The following MTHFD1L variants were observed in gnomAD, a reference collection of about 807,000 sequenced individuals.
The protein encoded by MTHFD1L is methylenetetrahydrofolate dehydrogenase (NADP+ dependent) 1 like.
In MTHFD1L, 81 loss-of-function variants were observed where a neutral mutation model predicts 119.5. The observed-to-expected ratio is 0.68, with a 90% CI of 0.57 to 0.82. The LOEUF is 0.82. MTHFD1L is among the 40% of genes least tolerant of loss of function. The pLI is 0.00. For synonymous variants in MTHFD1L, 430 were observed against 475.2 expected, an observed-to-expected ratio of 0.90 and a Z score of 1.24; for missense variants, 1,125 against 1,253.4, an observed-to-expected ratio of 0.90 and a Z score of 1.55.
chr6:150,871,411 T>C (rs1209408920), intron 1 of MTHFD1L, among the ~76,000 whole-genome samples: 1 of 150,072 alleles, frequency 6.7e-6, no homozygotes, highest in Non-Finnish European at 1.5e-5. Flanking sequence ...TTACCCACAG[T>C]AGTAGGACTT....
intron 1 of MTHFD1L, chr6:150,866,312 A>T (rs921469353): frequency 5.5e-6 from 8 of 1,466,114 alleles, no homozygotes; most frequent in South Asian, 1.3e-5. Flanking sequence ...GCCTAGCGGC[A>T]TGGACCGCAC....
At position 151,079,195 on chromosome 6, in the gene MTHFD1L, A is replaced by G. The variant is rs534736467; in HGVS notation, c.2848-13272A>G. Among the ~76,000 whole-genome samples, 116 of 152,214 alleles carry G rather than the reference A, an allele frequency of 7.6e-4. 2 individuals are homozygous for G. Among genetic ancestry groups the G allele is most frequent in the Middle Eastern group, 3.4e-3 (1 of 294 alleles). ...GGTTACATAGCTCTGATAAATCCTG[A>G]TCTAACCAAAAGTCATGACAGCTCG... On this transcript the variant is annotated intron_variant, in intron 26 of 27. Transcript: ENST00000367321.
At chr6:151,031,578 T>A (rs956349185) in intron 24 of MTHFD1L, among the ~76,000 whole-genome samples, 2 of 152,224 alleles carry the variant, frequency 1.3e-5, no homozygotes, top group South Asian at 2.1e-4. Flanking sequence ...CAAAGATTGG[T>A]CCTTGAAGAT....
intron 9 of MTHFD1L, among the ~76,000 whole-genome samples, chr6:150,921,867 A>C (rs899871621): frequency 6.6e-6 from 1 of 152,232 alleles, no homozygotes; most frequent in Admixed American, 6.5e-5. Flanking sequence ...AAGTATGAAG[A>C]GCTAATAGTC....
At chr6:150,944,616 C>T in intron 14 of MTHFD1L, 23 bp downstream of exon 14, 3 of 1,557,442 alleles carry the variant, frequency 1.9e-6, no homozygotes, top group Non-Finnish European at 2.7e-6. Flanking sequence ...CCTTGCTAGC[C>T]ATTTTGGGTA....
intron 14 of MTHFD1L, 31 bp downstream of exon 14, chr6:150,944,624 G>A (rs1793648589): frequency 6.6e-7 from 1 of 1,520,944 alleles, no homozygotes; most frequent in Non-Finnish European, 9.1e-7. Flanking sequence ...GCCATTTTGG[G>A]TATTGTATCC....
intron 24 of MTHFD1L, among the ~76,000 whole-genome samples, chr6:151,032,491 A>G (rs1387873093): frequency 6.6e-6 from 1 of 151,704 alleles, no homozygotes; most frequent in Admixed American, 6.6e-5. Context: ...TGATCCAAAC[A>G]CCTCCCACCT....
intron 26 of MTHFD1L, among the ~76,000 whole-genome samples, chr6:151,043,603 A>G (rs1290470190): frequency 6.6e-6 from 1 of 152,192 alleles, no homozygotes; most frequent in Non-Finnish European, 1.5e-5. Flanking sequence ...GTTGGAATTC[A>G]TAGTAGAATC....
chr6:150,905,766 A>G lies in MTHFD1L; in HGVS notation c.892+5A>G. ...GCTCCCATGACTTCCTGTCAGGTAA[A>G]TGTCTTCACATTGGTGTTGAGCCAC... On this transcript the variant is annotated splice_donor_5th_base_variant and intron_variant, in intron 8 of 27. Coordinates refer to ENST00000367321, the MANE Select transcript of MTHFD1L (RefSeq NM_015440.5). 6.3e-7 allele frequency: 1 copy of G among 1,596,468 alleles called. No homozygotes were observed. Among genetic ancestry groups the G allele is most frequent in the Non-Finnish European group, 8.6e-7 (1 of 1,163,888 alleles).
At chr6:151,033,180 C>T (rs981974051) in intron 24 of MTHFD1L, among the ~76,000 whole-genome samples, 3 of 150,856 alleles carry the variant, frequency 2.0e-5, no homozygotes, top group African/African-American at 7.3e-5. Flanking sequence ...AGTGCAGTGG[C>T]GCGATCTTGG....
rs7646 is a variant in MTHFD1L at position 151,101,614 on chromosome 6, A to G, written c.*120A>G. On this transcript the variant is annotated 3_prime_UTR_variant, in exon 28 of 28. Coordinates refer to ENST00000367321, the MANE Select transcript of MTHFD1L (RefSeq NM_015440.5). The stretch of plus-strand genomic sequence containing the variant: ...ATGTCTGTTATGCAATGCTGGAGAC[A>G]TGGTGAAATAGGCCAAAGATTTCTT... 0.22 allele frequency: 34,319 copies of G among 152,540 alleles called. 4,149 individuals carry two copies. The highest frequency in any genetic ancestry group is 0.28 in the Middle Eastern group (82 of 294). The allele number at this position is 152,540 out of a possible 1,614,324, so 9.4% of individuals were successfully genotyped here.
chr6:150,987,796 A>G (rs73616910), intron 20 of MTHFD1L, among the ~76,000 whole-genome samples: 3,775 of 152,336 alleles, frequency 0.025, 146 homozygotes, highest in African/African-American at 0.087. Context: ...TGAATGACTT[A>G]ACTACTGGTA....
chr6:151,055,707 GT>G (rs1789809080), intron 26 of MTHFD1L: 1 of 152,130 alleles, frequency 6.6e-6, no homozygotes, highest in Admixed American at 6.6e-5. Context: ...TGTATTTTTA[GT>G]AGAGACAGAG....
At chr6:151,057,110 G>A in intron 26 of MTHFD1L, 1 of 750,860 alleles carries the variant, frequency 1.3e-6, no homozygotes, top group Non-Finnish European at 1.6e-6. Context: ...CTAATGAACA[G>A]TTCAGCTCTG....
intron 26 of MTHFD1L, among the ~76,000 whole-genome samples, chr6:151,066,398 A>G (rs1791260477): frequency 7.7e-6 from 1 of 130,330 alleles, no homozygotes; most frequent in Non-Finnish European, 1.6e-5. Context: ...AGATCATGCC[A>G]CTGCACTCCA....
At chr6:151,098,044 C>T (rs555256799) in intron 27 of MTHFD1L, among the ~76,000 whole-genome samples, 2 of 152,010 alleles carry the variant, frequency 1.3e-5, no homozygotes, top group East Asian at 1.9e-4. Context: ...CGTCATGGCA[C>T]GCACCTGTAA....
At chr6:151,086,164 G>C (rs73622470) in intron 26 of MTHFD1L, among the ~76,000 whole-genome samples, 5,210 of 152,176 alleles carry the variant, frequency 0.034, 293 homozygotes, top group African/African-American at 0.12. Flanking sequence ...AGCGGTGCAG[G>C]TTCCCAGCTA....
chr6:150,890,196 GTA>G (rs143638057), intron 7 of MTHFD1L, among the ~76,000 whole-genome samples: 8 of 150,808 alleles, frequency 5.3e-5, no homozygotes, highest in South Asian at 2.1e-4. Flanking sequence ...ATGTGTGTGT[GTA>G]TATATATATA....
intron 4 of MTHFD1L, among the ~76,000 whole-genome samples, chr6:150,881,452 A>T (rs536299754): frequency 6.6e-6 from 1 of 152,140 alleles, no homozygotes; most frequent in Non-Finnish European, 1.5e-5. Context: ...GTGAATTTGT[A>T]TGGTGTTATA....
Sources: allele counts gnomAD v4.1 joint callset (sites outside exome capture counted in the v4.1 genomes callset), GRCh38; gene constraint gnomAD v4.1.1; transcripts MANE v1.5; gene names NCBI Gene and HGNC (gene_info 2026-07-23, HGNC 2026-07-21).